Variants in SPOP observed in about 807,000 individuals in gnomAD.
The protein encoded by SPOP is speckle type BTB/POZ protein.
In SPOP, 11 loss-of-function variants were observed where a neutral mutation model predicts 45.6. The observed-to-expected ratio is 0.24, with a 90% CI of 0.15 to 0.40. SPOP has a LOEUF of 0.40. Among genes scored for constraint, SPOP ranks in the 10% least tolerant of loss-of-function variants. SPOP has a pLI of 1.00. For synonymous variants in SPOP, 166 were observed against 166.3 expected, an observed-to-expected ratio of 1.00 and a Z score of 0.01; for missense variants, 152 against 465.6, an observed-to-expected ratio of 0.33 and a Z score of 6.20.
At position 49,623,940 on chromosome 17, in the gene SPOP, G is replaced by A. The variant is rs73331450; in HGVS notation, c.-66-1064C>T. ...TGGCAATTTCATCCATCCCAACAAT[G>A]TCAAATTTCTACCTTTATACAAGTT... On this transcript the variant is annotated intron_variant, in intron 1 of 9. Transcript: ENST00000504102. 8.9e-3 allele frequency among the ~76,000 whole-genome samples: 1,356 copies of A among 152,150 alleles called. 21 individuals carry two copies. Among genetic ancestry groups the A allele is most frequent in the African/African-American group, 0.031 (1,278 of 41,502 alleles).
At chr17:49,618,687 T>G (rs1006065098) in intron 5 of SPOP, 1 of 465,778 alleles carries the variant, frequency 2.1e-6, no homozygotes, top group African/African-American at 2.0e-5. Context: ...TTTCAAATGC[T>G]ATCTGAAAAA....
At chr17:49,614,459 TAAAC>T (rs2072039831) in intron 5 of SPOP, among the ~76,000 whole-genome samples, 1 of 152,136 alleles carries the variant, frequency 6.6e-6, no homozygotes, top group African/African-American at 2.4e-5. Flanking sequence ...ATACAAATAA[TAAAC>T]AAGTGCATGA....
Position 49,607,913 on chromosome 17 carries a change from A to G in SPOP, c.675T>C (p.Phe225=). 6.2e-7 allele frequency: 1 copy of G among 1,612,122 alleles called. No homozygotes were observed. The highest frequency in any genetic ancestry group is 2.2e-5 in the East Asian group (1 of 44,766). ...CCATTTCATGTTCAAACATGGCACT[A>G]AAAACCGGAGAACGAGCTACAAAGT... ...KAILAARSPV[F]SAMFEHEMEE... Residue 225 remains phenylalanine, a synonymous_variant, in exon 7 of 10, where the codon TTT becomes TTC. Transcript: ENST00000504102.
Position 49,600,505 on chromosome 17 carries a change from A to C in SPOP, c.998T>G (p.Leu333Trp). 6.2e-7 allele frequency: 1 copy of C among 1,614,172 alleles called. No homozygotes were observed. Among genetic ancestry groups the C allele is most frequent in the Non-Finnish European group, 8.5e-7 (1 of 1,180,014 alleles). The change falls in exon 10 of 10, where the codon TTG (leucine) becomes TGG (tryptophan). Residue 333 changes from leucine (L) to tryptophan (W), a missense_variant. This residue lies in a region of SPOP where 106 missense variants were observed against 255.2 expected (regional missense o/e 0.42). Transcript: ENST00000504102. The surrounding 1 kb of genome is among the most constrained non-coding windows in gnomAD (Gnocchi z 4.2). ...DFINYHASDVLETSGWKSMVV... is the reference protein window; with the variant it reads ...DFINYHASDVWETSGWKSMVV... Reference sequence around the variant, plus strand: ...CATTGACTTCCACCCAGAGGTCTCCAAGACATCCGAAGCATGACTAGGAGA... The same window carrying C: ...CATTGACTTCCACCCAGAGGTCTCCCAGACATCCGAAGCATGACTAGGAGA...
chr17:49,666,806 G>A (rs1006887823), intron 1 of SPOP, among the ~76,000 whole-genome samples: 1 of 151,900 alleles, frequency 6.6e-6, no homozygotes, highest in Admixed American at 6.6e-5. Context: ...TCCAGCCTGG[G>A]CAACAGAATA....
At chr17:49,612,679 G>A (rs1473810849) in intron 5 of SPOP, 1 of 152,164 alleles carries the variant, frequency 6.6e-6, no homozygotes, top group African/African-American at 2.4e-5. Flanking sequence ...CTGTAGATAG[G>A]ACACTGCAGA....
At chr17:49,661,899 G>A (rs2072992614) in intron 1 of SPOP, among the ~76,000 whole-genome samples, 1 of 151,388 alleles carries the variant, frequency 6.6e-6, no homozygotes, top group African/African-American at 2.4e-5. Flanking sequence ...TGTAATCCCA[G>A]CTACTTTGGA....
chr17:49,660,634 C>G (rs978465581), intron 1 of SPOP, among the ~76,000 whole-genome samples: 1 of 152,140 alleles, frequency 6.6e-6, no homozygotes. Context: ...TTCCCTGACT[C>G]CTCCACCTAA....
At chr17:49,604,215 C>A (rs528784843) in intron 8 of SPOP, among the ~76,000 whole-genome samples, 1 of 152,296 alleles carries the variant, frequency 6.6e-6, no homozygotes, top group East Asian at 1.9e-4. Context: ...TTTCCCAGAG[C>A]TTGCAGTGAA....
At chr17:49,646,655 C>T (rs1375960590) in intron 1 of SPOP, 4 of 152,134 alleles carry the variant, frequency 2.6e-5, no homozygotes, top group African/African-American at 9.7e-5. Flanking sequence ...AAGCAGTATT[C>T]AATGTTTCAC....
chr17:49,660,931 A>C (rs1379455562), intron 1 of SPOP, among the ~76,000 whole-genome samples: 1 of 152,198 alleles, frequency 6.6e-6, no homozygotes, highest in African/African-American at 2.4e-5. Context: ...GCGCCACTGC[A>C]CTCCAGCCTG....
At chr17:49,607,812 G>T in intron 7 of SPOP, 62 bp downstream of exon 7, 1 of 1,482,164 alleles carries the variant, frequency 6.7e-7, no homozygotes, top group Non-Finnish European at 9.3e-7. Flanking sequence ...TGCAGCTAAA[G>T]TGGGAAATCA....
intron 1 of SPOP, among the ~76,000 whole-genome samples, chr17:49,637,434 T>G (rs1036328680): frequency 2.0e-5 from 3 of 152,032 alleles, no homozygotes; most frequent in African/African-American, 7.2e-5. Flanking sequence ...CACTGCAACC[T>G]CCACCTCCCA....
intron 3 of SPOP, among the ~76,000 whole-genome samples, chr17:49,620,075 C>T (rs2072187593): frequency 6.6e-6 from 1 of 152,046 alleles, no homozygotes; most frequent in African/African-American, 2.4e-5. Flanking sequence ...GAGGCTGAGG[C>T]AGGAGAATCG....
intron 1 of SPOP, among the ~76,000 whole-genome samples, chr17:49,630,337 G>A (rs564091993): frequency 2.4e-4 from 36 of 152,234 alleles, no homozygotes; most frequent in Non-Finnish European, 4.4e-4. Flanking sequence ...ATTACCCCAA[G>A]GGTAGTTATT....
In SPOP at chr17:49,600,125, C is replaced by T. The variant is rs963588932; in HGVS notation, c.*253G>A. ...CCTCGGGCCAGCGCCTAAACTGAATCCCCACAGTATCAAACTCAGCCAGGC... is the reference window on the plus strand; with the variant it reads ...CCTCGGGCCAGCGCCTAAACTGAATTCCCACAGTATCAAACTCAGCCAGGC... On this transcript the variant is annotated 3_prime_UTR_variant, in exon 10 of 10. Coordinates refer to ENST00000504102, the MANE Select transcript of SPOP (RefSeq NM_001007228.2). The surrounding 1 kb of genome is among the most constrained non-coding windows in gnomAD (Gnocchi z 4.2). 10 of 507,020 alleles carry T rather than the reference C, an allele frequency of 2.0e-5. No homozygotes were observed. In the Admixed American group the frequency reaches 3.2e-4, roughly 16 times the overall value. The allele number at this position is 507,020 out of a possible 1,614,324, so 31.4% of individuals were successfully genotyped here. A position where few individuals can be genotyped will look rare whatever the true frequency, so the allele number is the denominator to read the frequency against.
chr17:49,625,936 T>C (rs2072321502), intron 1 of SPOP, among the ~76,000 whole-genome samples: 1 of 152,198 alleles, frequency 6.6e-6, no homozygotes, highest in Non-Finnish European at 1.5e-5. Context: ...ATAATACAAA[T>C]ATCTGTTAAT....
Position 49,600,639 on chromosome 17 carries a change from C to T in SPOP, c.981-117G>A. On this transcript the variant is annotated intron_variant, in intron 9 of 9. Coordinates refer to ENST00000504102, the MANE Select transcript of SPOP (RefSeq NM_001007228.2). The surrounding 1 kb of genome is among the most constrained non-coding windows in gnomAD (Gnocchi z 4.2). ...GTATAAAGGGTGTCAATGCAAGAAA[C>T]AGAAGAACCCTTAATATGCATAAGA... The T allele has an allele frequency of 9.0e-7, 1 of 1,105,276 alleles. No homozygotes were observed. Among genetic ancestry groups the T allele is most frequent in the Admixed American group, 2.2e-5 (1 of 45,732 alleles). 68.5% of individuals were successfully genotyped at this position (1,105,276 alleles called of 1,614,324 possible).
Position 49,599,868 on chromosome 17 carries a change from T to TTA in SPOP, c.*509_*510insTA, listed in dbSNP as rs1348236629. The TTA allele has an allele frequency of 1.8e-5, 4 of 220,448 alleles. No individual in the cohort carries two copies. Among genetic ancestry groups the TTA allele is most frequent in the Non-Finnish European group, 2.7e-5 (3 of 109,680 alleles). 13.7% of individuals were successfully genotyped at this position (220,448 alleles called of 1,614,324 possible). A position where few individuals can be genotyped will look rare whatever the true frequency, so the allele number is the denominator to read the frequency against. On this transcript the variant is annotated 3_prime_UTR_variant, in exon 10 of 10. Coordinates refer to ENST00000504102, the MANE Select transcript of SPOP (RefSeq NM_001007228.2). ...TAAGGAGTTTTCACAAATATCCAAG[T>TTA]TTTAGCACAGTTAGAAGGACTAAAA...
Sources: allele counts gnomAD v4.1 joint callset (sites outside exome capture counted in the v4.1 genomes callset), GRCh38; gene constraint gnomAD v4.1.1; regional missense constraint gnomAD v4.1.1; non-coding constraint Gnocchi (gnomAD v3.1); transcripts MANE v1.5; gene names NCBI Gene and HGNC (gene_info 2026-07-23, HGNC 2026-07-21).